BARD1: variants seen among roughly 807,000 people sequenced by gnomAD.
The protein encoded by BARD1 is BRCA1-associated RING domain protein 1.
BARD1 carries 73 observed loss-of-function variants against 77.0 expected under a neutral mutation model. The observed-to-expected ratio is 0.95, with a 90% CI of 0.79 to 1.15. The LOEUF is 1.15. Among genes scored for constraint, BARD1 ranks in the 50% most tolerant of loss-of-function variants. The pLI is 0.00. For missense variants in BARD1, 993 were observed against 938.8 expected (o/e 1.06, Z -0.75); for synonymous variants, 384 against 338.0 (o/e 1.14, Z -1.49).
chr2:214,733,262 TG>T (rs1692435245), intron 9 of BARD1, among the ~76,000 whole-genome samples: 1 of 152,242 alleles, frequency 6.6e-6, no homozygotes, highest in Non-Finnish European at 1.5e-5. Context: ...AATTCAATTT[TG>T]TTTTGGATTT....
intron 1 of BARD1, among the ~76,000 whole-genome samples, chr2:214,801,490 T>C (rs1327105730): frequency 6.6e-6 from 1 of 152,166 alleles, no homozygotes; most frequent in Admixed American, 6.5e-5. Flanking sequence ...AAAAAAAAAT[T>C]TACTATTAAA....
chr2:214,728,552 T>A lies in BARD1; in HGVS notation c.*124A>T. The A allele has an allele frequency of 1.1e-6, 1 of 911,080 alleles. No homozygotes were observed. Among genetic ancestry groups the A allele is most frequent in the Non-Finnish European group, 1.6e-6 (1 of 619,286 alleles). The allele number at this position is 911,080 out of a possible 1,614,324, so 56.4% of individuals were successfully genotyped here. On this transcript the variant is annotated 3_prime_UTR_variant, in exon 11 of 11. Transcript: ENST00000260947. The stretch of plus-strand genomic sequence containing the variant: ...TGGCATTAGACTTTTTTTTTTTTTT[T>A]GATTCAAAGACAAATATGAATGACT...
intron 2 of BARD1, among the ~76,000 whole-genome samples, chr2:214,796,345 G>C (rs528695606): frequency 6.6e-6 from 1 of 152,222 alleles, no homozygotes; most frequent in South Asian, 2.1e-4. Context: ...GACCTAATTT[G>C]GAAAAAGAGG....
chr2:214,736,821 A>T (rs1156634049), intron 9 of BARD1, among the ~76,000 whole-genome samples: 3 of 152,138 alleles, frequency 2.0e-5, no homozygotes, highest in African/African-American at 7.2e-5. Context: ...GTTATGTAGT[A>T]AGTTTCTGTA....
At chr2:214,773,191 AAAAAC>A (rs1201652354) in intron 4 of BARD1, among the ~76,000 whole-genome samples, 2 of 152,222 alleles carry the variant, frequency 1.3e-5, no homozygotes, top group Non-Finnish European at 2.9e-5. Context: ...ACACACACAT[AAAAAC>A]AAAACTTTTC....
chr2:214,747,713 G>C (rs1355341797), intron 7 of BARD1, among the ~76,000 whole-genome samples: 2 of 109,538 alleles, frequency 1.8e-5, no homozygotes, highest in African/African-American at 6.9e-5. Flanking sequence ...TTGTGGGGTG[G>C]GGGGAGGGGG....
At chr2:214,809,273 G>A (rs905826103) in intron 1 of BARD1, 139 bp downstream of exon 1, 6 of 1,192,742 alleles carry the variant, frequency 5.0e-6, no homozygotes, top group East Asian at 2.6e-5. Flanking sequence ...TATATCCCCC[G>A]GCAGGTGCTA....
At chr2:214,781,573 G>C in intron 3 of BARD1, 64 bp from the exon 4 acceptor site, 1 of 1,363,012 alleles carries the variant, frequency 7.3e-7, no homozygotes, top group East Asian at 2.3e-5. Context: ...TGGAGCTCCC[G>C]AAGAATTTTG....
chr2:214,726,983 G>C lies in BARD1; in HGVS notation c.*1693C>G, dbSNP rs1292621811. The C allele has an allele frequency of 9.4e-6, 2 of 211,868 alleles. No homozygotes were observed. The highest frequency in any genetic ancestry group is 5.9e-5 in the Admixed American group (1 of 17,014). 13.1% of individuals were successfully genotyped at this position (211,868 alleles called of 1,614,324 possible). A position where few individuals can be genotyped will look rare whatever the true frequency, so the allele number is the denominator to read the frequency against. On this transcript the variant is annotated 3_prime_UTR_variant, in exon 11 of 11. Coordinates refer to ENST00000260947, the MANE Select transcript of BARD1 (RefSeq NM_000465.4). ...GGCAACAGAAAGTGACTTAAAGTCTGTTATAAATAAAAAATGACAACCAAA... is the reference window on the plus strand; with the variant it reads ...GGCAACAGAAAGTGACTTAAAGTCTCTTATAAATAAAAAATGACAACCAAA...
intron 3 of BARD1, among the ~76,000 whole-genome samples, chr2:214,785,636 G>C (rs1309433267): frequency 6.6e-6 from 1 of 151,654 alleles, no homozygotes; most frequent in Non-Finnish European, 1.5e-5. Context: ...ACAAAAAGAA[G>C]GAAGGAGTCC....
chr2:214,781,522 A>G lies in BARD1; in HGVS notation c.365-13T>C. ...TCTTCTTTCAAATCTGACAGAAAAA[A>G]AGAAAAAGAAATCTGTTACATGAAA... On this transcript the variant is annotated splice_polypyrimidine_tract_variant and intron_variant, in intron 3 of 10. Transcript: ENST00000260947. The G allele has an allele frequency of 6.3e-7, 1 of 1,599,228 alleles. No individual in the cohort carries two copies. The highest frequency in any genetic ancestry group is 1.3e-5 in the African/African-American group (1 of 74,468).
intron 4 of BARD1, among the ~76,000 whole-genome samples, chr2:214,771,451 C>G (rs187445003): frequency 4.6e-5 from 7 of 151,908 alleles, no homozygotes; most frequent in Non-Finnish European, 1.5e-5. Flanking sequence ...TTTTGCTGGC[C>G]AGACGTGGTG....
chr2:214,799,684 G>A (rs1311839735), intron 1 of BARD1, among the ~76,000 whole-genome samples: 9 of 152,074 alleles, frequency 5.9e-5, no homozygotes, highest in African/African-American at 2.2e-4. Flanking sequence ...ATCTACACAT[G>A]AACAGGTAAT....
intron 9 of BARD1, among the ~76,000 whole-genome samples, chr2:214,743,804 C>A (rs1360399557): frequency 6.6e-6 from 1 of 152,060 alleles, no homozygotes; most frequent in African/African-American, 2.4e-5. Context: ...GGCTGGTCTG[C>A]CTGCCTCGGT....
intron 7 of BARD1, among the ~76,000 whole-genome samples, chr2:214,751,105 GTGTGTGTGTGTGTATATA>G (rs1278344904): frequency 4.0e-4 from 4 of 9,986 alleles, no homozygotes; most frequent in East Asian, 5.9e-3. Flanking sequence ...GTGTGTGTGT[GTGTGTGTGTGTGTATATA>G]TATATATATA....
intron 9 of BARD1, chr2:214,730,795 C>G (rs1200871492): frequency 2.1e-6 from 1 of 477,890 alleles, no homozygotes; most frequent in African/African-American, 2.0e-5. Context: ...AAACCTAAGC[C>G]AGGATACTAT....
chr2:214,784,261 C>T (rs1559429087), intron 3 of BARD1, among the ~76,000 whole-genome samples: 2 of 151,884 alleles, frequency 1.3e-5, no homozygotes, highest in African/African-American at 4.8e-5. Flanking sequence ...ATTTATGTGG[C>T]CAACAAACAC....
In BARD1 at chr2:214,727,636, C is replaced by T. The variant is rs879771475; in HGVS notation, c.*1040G>A. ...TGCCTATTTGATATTAGTAAGCCCT[C>T]CCCATACCTACTTCTATACTTACTG... is the stretch of plus-strand genomic sequence containing the variant. On this transcript the variant is annotated 3_prime_UTR_variant, in exon 11 of 11. Coordinates refer to ENST00000260947, the MANE Select transcript of BARD1 (RefSeq NM_000465.4). 15 of 231,300 alleles carry T rather than the reference C, an allele frequency of 6.5e-5. No homozygotes were observed. In the Admixed American group the frequency reaches 7.3e-4, roughly 11 times the overall value. The allele number at this position is 231,300 out of a possible 1,614,324, so 14.3% of individuals were successfully genotyped here.
At chr2:214,767,790 CTATAAGTTGCTGACAGAGTG>C in intron 5 of BARD1, 136 bp from the exon 6 acceptor site, 1 of 757,496 alleles carries the variant, frequency 1.3e-6, no homozygotes, top group South Asian at 1.8e-5. Flanking sequence ...CTCAAAAACA[CTATAAGTTGCTGACAGAGTG>C]AAAGTTACTA....
Sources: allele counts gnomAD v4.1 joint callset (sites outside exome capture counted in the v4.1 genomes callset), GRCh38; gene constraint gnomAD v4.1.1; transcripts MANE v1.5; gene names NCBI Gene and HGNC (gene_info 2026-07-23, HGNC 2026-07-21).